Variants in CD101 observed in about 807,000 individuals in gnomAD.
CD101 encodes CD101 molecule, also known as immunoglobulin superfamily member 2.
CD101 carries 76 observed loss-of-function variants against 98.2 expected under a neutral mutation model. That is an observed-to-expected ratio of 0.77 (90% CI 0.64 to 0.94). The LOEUF (loss-of-function observed/expected upper bound fraction) is 0.94. Ranked by LOEUF, CD101 falls within the 40% of genes least tolerant of loss-of-function variation. The pLI is 0.00. For synonymous variants in CD101, 471 were observed against 472.7 expected (o/e 1.00, Z 0.05); for missense variants, 1,145 against 1,218.8 (o/e 0.94, Z 0.90).
chr1:117,014,277 A>G (rs555147065), intron 4 of CD101, among the ~76,000 whole-genome samples: 8 of 151,448 alleles, frequency 5.3e-5, no homozygotes, highest in African/African-American at 1.7e-4. Flanking sequence ...CTCCTTCCTG[A>G]GGAATGAACA....
At chr1:117,027,201 A>G (rs114174313) in intron 8 of CD101, among the ~76,000 whole-genome samples, 1,754 of 152,358 alleles carry the variant, frequency 0.012, 43 homozygotes, top group African/African-American at 0.04. Flanking sequence ...CGCTGCACAT[A>G]CATATACACA....
intron 8 of CD101, among the ~76,000 whole-genome samples, chr1:117,029,196 A>AGTAGATACGACTG (rs1654198690): frequency 2.7e-5 from 2 of 74,938 alleles, no homozygotes; most frequent in Non-Finnish European, 5.2e-5. Flanking sequence ...AGAAAGAAAG[A>AGTAGATACGACTG]AAGAAAGAAA....
At chr1:117,025,379 A>T (rs1308040258) in intron 7 of CD101, 130 bp from the exon 8 acceptor site, 6 of 741,812 alleles carry the variant, frequency 8.1e-6, no homozygotes, top group Non-Finnish European at 1.2e-5. Context: ...TAAAAATAAT[A>T]AAAAAAATAA....
chr1:117,003,822 A>AG (rs1318155459), intron 1 of CD101, among the ~76,000 whole-genome samples: 21 of 152,248 alleles, frequency 1.4e-4, no homozygotes, highest in Non-Finnish European at 2.8e-4. Context: ...GTAGAAGCAC[A>AG]GTTTTTATGT....
chr1:117,016,375 A>G (rs918734866), intron 4 of CD101, among the ~76,000 whole-genome samples: 1 of 151,994 alleles, frequency 6.6e-6, no homozygotes, highest in Non-Finnish European at 1.5e-5. Context: ...AGAAAGAGGA[A>G]GATTGTCTTG....
At chr1:117,017,610 C>T in intron 5 of CD101, 137 bp downstream of exon 5, 1 of 800,888 alleles carries the variant, frequency 1.2e-6, no homozygotes, top group Admixed American at 2.8e-5. Context: ...CTCTGGCTAC[C>T]CTCTCTGTCA....
In CD101 at chr1:117,011,955, T is replaced by C. The variant is rs759333608; in HGVS notation, c.830T>C (p.Ile277Thr). The change falls in exon 3 of 10, where the codon ATC becomes ACC. Residue 277 changes from isoleucine to threonine, a missense_variant. Transcript: ENST00000682167. ...KKQTDQTTLRIQPAVKDFQVN... is the reference protein window; with the variant it reads ...KKQTDQTTLRTQPAVKDFQVN... Reference sequence around the variant, plus strand: ...CAGACCGATCAAACCACTCTGAGGATCCAGCCAGCAGGTAATTATCTTCCT... The same window carrying C: ...CAGACCGATCAAACCACTCTGAGGACCCAGCCAGCAGGTAATTATCTTCCT... 1.2e-6 allele frequency: 2 copies of C among 1,611,302 alleles called. No homozygotes were observed. The highest frequency in any genetic ancestry group is 3.3e-5 in the Admixed American group (2 of 59,912).
Position 117,034,551 on chromosome 1 carries a change from T to C in CD101, c.*33+417T>C, listed in dbSNP as rs895021978. On this transcript the variant is annotated intron_variant, in intron 9 of 9. Coordinates refer to ENST00000682167, the MANE Select transcript of CD101 (RefSeq NM_001256106.3). Reference sequence around the variant, plus strand: ...CCTGATGCCAGCAAGGAAAAAGGAATTGGTAACATGCTCTTTGTTTACCTA... The same window carrying C: ...CCTGATGCCAGCAAGGAAAAAGGAACTGGTAACATGCTCTTTGTTTACCTA... 3.3e-5 allele frequency among the ~76,000 whole-genome samples: 5 copies of C among 152,270 alleles called. No individual in the cohort carries two copies. In the South Asian group the frequency reaches 1.0e-3, roughly 32 times the overall value.
intron 8 of CD101, among the ~76,000 whole-genome samples, chr1:117,029,502 T>C (rs1184968143): frequency 6.6e-6 from 1 of 152,194 alleles, no homozygotes; most frequent in African/African-American, 2.4e-5. Context: ...CTCAGAGACT[T>C]CCCTTATTCT....
intron 5 of CD101, among the ~76,000 whole-genome samples, 153 bp downstream of exon 5, chr1:117,017,626 T>C (rs1371366589): frequency 2.0e-5 from 3 of 152,224 alleles, no homozygotes; most frequent in African/African-American, 7.2e-5. Context: ...TGTCAATTAA[T>C]CTTTAAAGAT....
chr1:117,010,292 A>G lies in CD101; in HGVS notation c.424+62A>G. The G allele has an allele frequency of 1.3e-6, 2 of 1,502,716 alleles. No homozygotes were observed. Among genetic ancestry groups the G allele is most frequent in the Non-Finnish European group, 1.8e-6 (2 of 1,107,314 alleles). 93.1% of individuals were successfully genotyped at this position (1,502,716 alleles called of 1,614,324 possible). On this transcript the variant is annotated intron_variant, in intron 2 of 9. Coordinates refer to ENST00000682167, the MANE Select transcript of CD101 (RefSeq NM_001256106.3). The surrounding 1 kb of genome is among the most constrained non-coding windows in gnomAD (Gnocchi z 5.2). ...AGAAGCCAGAGTCTCCACCATGACAATATCTTGCAATATGACATGGCTTTA... is the reference window on the plus strand; with the variant it reads ...AGAAGCCAGAGTCTCCACCATGACAGTATCTTGCAATATGACATGGCTTTA...
rs779782737 is a variant in CD101, at chr1:117,018,521, G to A, written c.1978G>A (p.Ala660Thr). ...CAACAACCGCCCCCCGAGGGCTTCT[G>A]CCATCTCTCACCCACTGAGGATAGC... The part of the protein sequence containing the change: ...LYNNRPPRAS[A>T]ISHPLRIAVT... Residue 660 changes from alanine to threonine, a missense_variant, in exon 6 of 10, where the codon GCC becomes ACC. Physicochemically the swap from Ala to Thr is moderately conservative, Grantham distance 58. Coordinates refer to ENST00000682167, the MANE Select transcript of CD101 (RefSeq NM_001256106.3). The surrounding 1 kb of genome is among the most constrained non-coding windows in gnomAD (Gnocchi z 4.3). 1 of 1,610,546 alleles carries A rather than the reference G, an allele frequency of 6.2e-7. No homozygotes were observed. The highest frequency in any genetic ancestry group is 1.7e-5 in the Admixed American group (1 of 59,924).
chr1:117,031,586 C>A (rs144003071), intron 8 of CD101, among the ~76,000 whole-genome samples: 1 of 152,316 alleles, frequency 6.6e-6, no homozygotes, highest in East Asian at 1.9e-4. Flanking sequence ...CTGTAGGCTC[C>A]AGCCCTGTTC....
intron 8 of CD101, among the ~76,000 whole-genome samples, chr1:117,029,249 G>GAAA (rs1654268423): frequency 6.9e-6 from 1 of 144,034 alleles, no homozygotes; most frequent in African/African-American, 2.8e-5. Context: ...AAGAAAGAAA[G>GAAA]AAAGAAAGAA....
In CD101 at chr1:117,004,626, C is replaced by A. The variant is rs1427401503; in HGVS notation, c.43+2766C>A. Among the ~76,000 whole-genome samples, 1 of 152,106 alleles carries A rather than the reference C, an allele frequency of 6.6e-6. No individual in the cohort carries two copies. Among genetic ancestry groups the A allele is most frequent in the African/African-American group, 2.4e-5 (1 of 41,426 alleles). ...TTAAAAGAGAGAGCAAGAGGGCAGT[C>A]CTCACAGGTGTTTTTCGGAGGGTGG... On this transcript the variant is annotated intron_variant, in intron 1 of 9. Coordinates refer to ENST00000682167, the MANE Select transcript of CD101 (RefSeq NM_001256106.3). The surrounding 1 kb of genome is among the most constrained non-coding windows in gnomAD (Gnocchi z 4.1).
intron 9 of CD101, 39 bp downstream of exon 9, chr1:117,034,173 A>C: frequency 6.4e-7 from 1 of 1,555,524 alleles, no homozygotes; most frequent in Non-Finnish European, 8.7e-7. Context: ...GGTGTGAATG[A>C]ATCCTGGTTC....
At chr1:117,027,656 A>G (rs1211892029) in intron 8 of CD101, among the ~76,000 whole-genome samples, 1 of 152,232 alleles carries the variant, frequency 6.6e-6, no homozygotes, top group East Asian at 1.9e-4. Flanking sequence ...GGAACAGATG[A>G]TAGATCCCAA....
chr1:117,021,442 T>C lies in CD101; in HGVS notation c.2018-131T>C. ...GTTCAAAAGCTGTATGAGCAGTGAG[T>C]GGGGCTACTGTAGAGGGAGTTCACC... On this transcript the variant is annotated intron_variant, in intron 6 of 9. Coordinates refer to ENST00000682167, the MANE Select transcript of CD101 (RefSeq NM_001256106.3). This position sits in a 1 kb window ranked among gnomAD's most constrained non-coding sequence, Gnocchi z 4.7. The C allele has an allele frequency of 1.4e-6, 1 of 703,484 alleles. No homozygotes were observed. The highest frequency in any genetic ancestry group is 2.3e-6 in the Non-Finnish European group (1 of 436,740). 43.6% of individuals were successfully genotyped at this position (703,484 alleles called of 1,614,324 possible).
Position 117,018,708 on chromosome 1 carries a change from G to A in CD101, c.2017+148G>A, listed in dbSNP as rs1653401355. The A allele has an allele frequency of 2.0e-5, 15 of 761,288 alleles. No individual in the cohort carries two copies. The highest frequency in any genetic ancestry group is 3.1e-5 in the Non-Finnish European group (15 of 487,808). The allele number at this position is 761,288 out of a possible 1,614,324, so 47.2% of individuals were successfully genotyped here. A position where few individuals can be genotyped will look rare whatever the true frequency, so the allele number is the denominator to read the frequency against. On this transcript the variant is annotated intron_variant, in intron 6 of 9. Transcript: ENST00000682167. This position sits in a 1 kb window ranked among gnomAD's most constrained non-coding sequence, Gnocchi z 4.3. The stretch of plus-strand genomic sequence containing the variant: ...GCACCACATGATGAATGATACCCAG[G>A]TTAACATTGAGTTAGTATGCATGGG...
Sources: gnomAD v4.1 joint callset for allele counts (sites outside exome capture counted in the v4.1 genomes callset) on GRCh38, gnomAD v4.1.1 for gene constraint, Gnocchi (gnomAD v3.1) non-coding constraint, MANE v1.5 for transcripts, NCBI Gene and HGNC (gene_info 2026-07-23, HGNC 2026-07-21) for gene names.